The following ZZEF1 variants were observed in gnomAD, a reference collection of about 807,000 sequenced individuals.
ZZEF1 encodes the protein zinc finger ZZ-type and EF-hand domain containing 1.
A neutral mutation model predicts 342.8 loss-of-function variants in ZZEF1; 157 were observed. The ratio of observed to expected loss-of-function variants is 0.46; its 90% confidence interval spans 0.40 to 0.52. ZZEF1 has a LOEUF of 0.52. Among genes scored for constraint, ZZEF1 ranks in the 20% least tolerant of loss-of-function variants. The probability of loss-of-function intolerance (pLI) is 0.00; values close to 1 mark genes in which losing one functional copy is unlikely to be tolerated. For synonymous variants in ZZEF1, 1,505 were observed against 1,429.1 expected, an observed-to-expected ratio of 1.05 and a Z score of -1.20; for missense variants, 3,480 against 3,725.6, an observed-to-expected ratio of 0.93 and a Z score of 1.72.
At chr17:4,074,396 A>T (rs1327970186) in intron 23 of ZZEF1, 45 bp from the exon 24 acceptor site, 2 of 1,592,664 alleles carry the variant, frequency 1.3e-6, no homozygotes, top group East Asian at 4.5e-5. Flanking sequence ...TTAGAGGAGG[A>T]GTGCTTCAGA....
chr17:4,024,454 C>T (rs1158492544), intron 43 of ZZEF1, among the ~76,000 whole-genome samples: 2 of 152,118 alleles, frequency 1.3e-5, no homozygotes, highest in Non-Finnish European at 2.9e-5. Flanking sequence ...CTGCCTTGGC[C>T]TCCCAAAGTG....
Position 4,014,583 on chromosome 17 carries a change from T to C in ZZEF1, c.8146-68A>G. 2 of 1,548,116 alleles carry C rather than the reference T, an allele frequency of 1.3e-6. No individual in the cohort carries two copies. The highest frequency in any genetic ancestry group is 1.8e-6 in the Non-Finnish European group (2 of 1,127,558). On this transcript the variant is annotated intron_variant, in intron 49 of 54. Coordinates refer to ENST00000381638, the MANE Select transcript of ZZEF1 (RefSeq NM_015113.4). The surrounding 1 kb of genome is among the most constrained non-coding windows in gnomAD (Gnocchi z 4.4). ...CTAGACACTGACTGCAGCTGTCCCA[T>C]GCCGAGTCCTGTGGCTGGACCCGGG... is the stretch of plus-strand genomic sequence containing the variant.
chr17:4,123,676 A>G (rs1319754858), intron 2 of ZZEF1, among the ~76,000 whole-genome samples: 1 of 152,084 alleles, frequency 6.6e-6, no homozygotes, highest in Non-Finnish European at 1.5e-5. Context: ...GAGATCCAAT[A>G]AGGAAAGCGG....
Position 4,142,832 on chromosome 17 carries a change from C to T in ZZEF1, c.64G>A (p.Gly22Ser). 7.1e-7 allele frequency: 1 copy of T among 1,400,490 alleles called. No individual in the cohort carries two copies. The allele number at this position is 1,400,490 out of a possible 1,614,324, so 86.8% of individuals were successfully genotyped here. ...EAAAAGGEGW[G>S]PHQDWAAVSG... is the part of the protein sequence containing the mutation. ...ACCGCGGCCCAGTCCTGGTGTGGGC[C>T]CCAGCCCTCGCCACCGGCAGCTGCC... Residue 22 changes from glycine (G) to serine (S), a missense_variant, in exon 1 of 55, where the codon GGC becomes AGC. Transcript: ENST00000381638.
At chr17:4,062,967 G>A (rs1315107685) in intron 29 of ZZEF1, 50 bp from the exon 30 acceptor site, 1 of 1,555,172 alleles carries the variant, frequency 6.4e-7, no homozygotes, top group Non-Finnish European at 8.7e-7. Flanking sequence ...TTGAGCTGGG[G>A]CAGACGGAAA....
chr17:4,137,977 G>A (rs559842021), intron 1 of ZZEF1, among the ~76,000 whole-genome samples: 1 of 147,424 alleles, frequency 6.8e-6, no homozygotes, highest in African/African-American at 2.6e-5. Context: ...AGCCAGCACA[G>A]GGCTCATGCG....
At chr17:4,010,695 AG>A (rs1176602162) in intron 52 of ZZEF1, among the ~76,000 whole-genome samples, 1 of 125,232 alleles carries the variant, frequency 8.0e-6, no homozygotes, top group Non-Finnish European at 1.6e-5. Flanking sequence ...ACTGCACTTC[AG>A]CCCAAGTGAC....
chr17:4,127,263 CAA>C (rs1214612231), intron 1 of ZZEF1, among the ~76,000 whole-genome samples: 2 of 152,186 alleles, frequency 1.3e-5, no homozygotes, highest in East Asian at 1.9e-4. Context: ...CTCGGCCTCC[CAA>C]AGAGTTGAGA....
At chr17:4,130,625 C>A (rs1052480547) in intron 1 of ZZEF1, among the ~76,000 whole-genome samples, 2 of 152,048 alleles carry the variant, frequency 1.3e-5, no homozygotes, top group Admixed American at 6.6e-5. Flanking sequence ...AGTCAGCGGG[C>A]CAGTTCAAGG....
intron 18 of ZZEF1, 39 bp downstream of exon 18, chr17:4,081,337 G>A: frequency 1.3e-6 from 2 of 1,560,132 alleles, no homozygotes; most frequent in Non-Finnish European, 1.8e-6. Flanking sequence ...GCCCCCACAA[G>A]CATGAGACAA....
chr17:4,029,659 G>A (rs924628319), intron 42 of ZZEF1, among the ~76,000 whole-genome samples: 1 of 151,396 alleles, frequency 6.6e-6, no homozygotes. Flanking sequence ...GTGGATCACT[G>A]AGGTCAGGAG....
intron 29 of ZZEF1, 121 bp downstream of exon 29, chr17:4,064,240 C>A: frequency 7.6e-6 from 6 of 793,646 alleles, no homozygotes; most frequent in Middle Eastern, 3.3e-4. Flanking sequence ...TATTCTAAAA[C>A]AAGTCTTGAT....
At chr17:4,038,232 A>C (rs748164850) in intron 39 of ZZEF1, among the ~76,000 whole-genome samples, 75 of 152,294 alleles carry the variant, frequency 4.9e-4, no homozygotes, top group Non-Finnish European at 7.8e-4. Context: ...CATTGCAGAA[A>C]CTGTTTGGCA....
At position 4,087,964 on chromosome 17, in the gene ZZEF1, C is replaced by T. The variant is rs183086094; in HGVS notation, c.2242-430G>A. On this transcript the variant is annotated intron_variant, in intron 13 of 54. Transcript: ENST00000381638. Reference sequence around the variant, plus strand: ...AGGTATCAATCCTTCCGTAAGCATGCCTGTTATTTCCAGGCTTCTCCTTCT... The same window carrying T: ...AGGTATCAATCCTTCCGTAAGCATGTCTGTTATTTCCAGGCTTCTCCTTCT... Among the ~76,000 whole-genome samples, 214 of 152,242 alleles carry T rather than the reference C, an allele frequency of 1.4e-3. 1 individual carries two copies. Among genetic ancestry groups the T allele is most frequent in the African/African-American group, 4.8e-3 (201 of 41,522 alleles).
chr17:4,104,937 G>A (rs963111890), intron 7 of ZZEF1, 126 bp from the exon 8 acceptor site: 6 of 778,722 alleles, frequency 7.7e-6, no homozygotes, highest in Admixed American at 6.5e-5. Context: ...AGGTTTATCC[G>A]AAATATTTTT....
intron 9 of ZZEF1, among the ~76,000 whole-genome samples, chr17:4,099,258 T>C (rs1252467073): frequency 1.3e-5 from 2 of 152,200 alleles, no homozygotes; most frequent in Admixed American, 6.5e-5. Context: ...AGGGTCTCGC[T>C]CTGTTGCCCA....
chr17:4,021,342 C>A, intron 44 of ZZEF1, 22 bp from the exon 45 acceptor site: 1 of 1,578,408 alleles, frequency 6.3e-7, no homozygotes, highest in Non-Finnish European at 8.6e-7. Flanking sequence ...GAAAATCCAG[C>A]TGAATGTGAG....
chr17:4,126,140 G>C (rs1278097687), intron 1 of ZZEF1, among the ~76,000 whole-genome samples: 1 of 149,392 alleles, frequency 6.7e-6, no homozygotes, highest in East Asian at 2.0e-4. Context: ...GCAGAGAATT[G>C]CTTGAACCCA....
rs1228393654 is a variant in ZZEF1 at position 4,014,676 on chromosome 17, T to A, written c.8146-161A>T. ...CAGAGTCCAGCTAGGGCGAGGAGCA[T>A]GCACAGACTGCAAATATGGTGCGAG... is the stretch of plus-strand genomic sequence containing the variant. On this transcript the variant is annotated intron_variant, in intron 49 of 54. Transcript: ENST00000381638. The surrounding 1 kb of genome is among the most constrained non-coding windows in gnomAD (Gnocchi z 4.4). Among the ~76,000 whole-genome samples the A allele has an allele frequency of 1.3e-5, 2 of 152,108 alleles. No homozygotes were observed. The highest frequency in any genetic ancestry group is 4.8e-5 in the African/African-American group (2 of 41,428).
Sources: allele counts gnomAD v4.1 joint callset (sites outside exome capture counted in the v4.1 genomes callset), GRCh38; gene constraint gnomAD v4.1.1; non-coding constraint Gnocchi (gnomAD v3.1); transcripts MANE v1.5; gene names NCBI Gene and HGNC (gene_info 2026-07-23, HGNC 2026-07-21).